Variants in EYA1 observed in about 807,000 individuals in gnomAD.
EYA1 encodes the protein protein phosphatase EYA1.
In EYA1, 16 loss-of-function variants were observed where a neutral mutation model predicts 82.0. The ratio of observed to expected loss-of-function variants is 0.20; its 90% confidence interval spans 0.13 to 0.30. The LOEUF (loss-of-function observed/expected upper bound fraction) is 0.30. Among genes scored for constraint, EYA1 ranks in the 10% least tolerant of loss-of-function variants. The pLI, the probability that EYA1 is intolerant of heterozygous loss-of-function variation, is 1.00. For missense variants in EYA1, 633 were observed against 730.7 expected (o/e 0.87, Z 1.54); for synonymous variants, 261 against 264.4 (o/e 0.99, Z 0.12).
intron 2 of EYA1, among the ~76,000 whole-genome samples, chr8:71,475,551 C>G (rs1412660958): frequency 6.6e-6 from 1 of 151,882 alleles, no homozygotes; most frequent in Non-Finnish European, 1.5e-5. Flanking sequence ...GTGAACATAC[C>G]TTTATTATAT....
chr8:71,403,689 C>T (rs1830072750), intron 2 of EYA1: 1 of 152,144 alleles, frequency 6.6e-6, no homozygotes, highest in Non-Finnish European at 1.5e-5. Context: ...GAATCAGATA[C>T]AGCCATATCT....
chr8:71,447,222 T>C (rs2129175728), intron 2 of EYA1, among the ~76,000 whole-genome samples: 1 of 152,176 alleles, frequency 6.6e-6, no homozygotes, highest in East Asian at 1.9e-4. Flanking sequence ...CTTTCTCAAC[T>C]TTTAATCAAT....
At chr8:71,482,756 C>T (rs4263799) in intron 2 of EYA1, among the ~76,000 whole-genome samples, 96,489 of 152,056 alleles carry the variant, frequency 0.63, 33,119 homozygotes, top group African/African-American at 0.89. Context: ...GGCCCAAAGT[C>T]GAGCAAACAA....
At chr8:71,334,371 A>G in intron 3 of EYA1, 197 bp from the exon 4 acceptor site, 1 of 645,514 alleles carries the variant, frequency 1.5e-6, no homozygotes, top group South Asian at 1.6e-5. Context: ...TTAGGAAACA[A>G]TCTATTGTCA....
At chr8:71,244,513 A>C in intron 12 of EYA1, 90 bp downstream of exon 12, 1 of 737,018 alleles carries the variant, frequency 1.4e-6, no homozygotes, top group East Asian at 2.8e-5. Context: ...TATTCCAATT[A>C]TACATTAAAA....
chr8:71,303,626 T>C (rs935189337), intron 7 of EYA1, among the ~76,000 whole-genome samples: 1 of 141,324 alleles, frequency 7.1e-6, no homozygotes, highest in Admixed American at 7.1e-5. Flanking sequence ...CACATAGGAC[T>C]TAGGGTCTGA....
intron 4 of EYA1, among the ~76,000 whole-genome samples, chr8:71,324,721 G>A (rs1401916774): frequency 6.6e-6 from 1 of 152,110 alleles, no homozygotes; most frequent in Admixed American, 6.5e-5. Flanking sequence ...TCCCACCAAA[G>A]CATACTGTCT....
At chr8:71,439,706 T>G (rs1806268624) in intron 2 of EYA1, among the ~76,000 whole-genome samples, 1 of 152,184 alleles carries the variant, frequency 6.6e-6, no homozygotes, top group Non-Finnish European at 1.5e-5. Flanking sequence ...TTAACTCAGT[T>G]GCAAGACTGC....
chr8:71,275,818 T>G (rs561738687), intron 9 of EYA1, among the ~76,000 whole-genome samples: 102 of 152,364 alleles, frequency 6.7e-4, no homozygotes, highest in African/African-American at 2.2e-3. Context: ...GATGACCCTC[T>G]AATGGCCAAA....
intron 2 of EYA1, among the ~76,000 whole-genome samples, chr8:71,367,317 T>C (rs1326472638): frequency 6.6e-6 from 1 of 152,126 alleles, no homozygotes; most frequent in African/African-American, 2.4e-5. Context: ...TAATAGTTAT[T>C]ATATCATAAA....
chr8:71,314,532 A>T (rs1239457587), intron 7 of EYA1, among the ~76,000 whole-genome samples: 1 of 152,186 alleles, frequency 6.6e-6, no homozygotes, highest in Non-Finnish European at 1.5e-5. Context: ...TTTTTTTCAA[A>T]TTTTGGAATA....
chr8:71,461,466 A>G (rs1472763478), intron 2 of EYA1, among the ~76,000 whole-genome samples: 2 of 152,148 alleles, frequency 1.3e-5, no homozygotes, highest in Non-Finnish European at 2.9e-5. Flanking sequence ...GGTATGTGGT[A>G]GCACCCAGAA....
At chr8:71,325,099 C>T in intron 4 of EYA1, among the ~76,000 whole-genome samples, 1 of 152,176 alleles carries the variant, frequency 6.6e-6, no homozygotes, top group East Asian at 1.9e-4. Context: ...TTCCTTGGCA[C>T]AGAATACAAA....
At position 71,391,066 on chromosome 8, in the gene EYA1, C is replaced by T. The variant is rs141633722; in HGVS notation, c.34-34555G>A. On this transcript the variant is annotated intron_variant, in intron 2 of 18. Coordinates refer to the EYA1 transcript ENST00000643681. ...TCGGCTCACTGCAACCTCCACCTTC[C>T]GGGTTCAAGCAATTCTCATGCCTCA... Among the ~76,000 whole-genome samples, 659 of 152,194 alleles carry T rather than the reference C, an allele frequency of 4.3e-3. 6 individuals are homozygous for T. Among genetic ancestry groups the T allele is most frequent in the African/African-American group, 0.015 (629 of 41,510 alleles).
chr8:71,384,266 G>T (rs1449332730), intron 2 of EYA1, among the ~76,000 whole-genome samples: 1 of 152,112 alleles, frequency 6.6e-6, no homozygotes, highest in African/African-American at 2.4e-5. Flanking sequence ...TTTTAAGAAG[G>T]TTATTTGAAG....
chr8:71,305,131 T>G lies in EYA1; in HGVS notation c.557-5411A>C, dbSNP rs977570022. ...AAGGGTCTTCACTTACAACTTTTGG[T>G]CACAGAATTATTTGTAATGTTTGGA... On this transcript the variant is annotated intron_variant, in intron 7 of 17. Transcript: ENST00000340726. 5.6e-5 allele frequency among the ~76,000 whole-genome samples: 8 copies of G among 143,172 alleles called. 1 individual carries two copies. The highest frequency in any genetic ancestry group is 1.3e-4 in the Non-Finnish European group (8 of 62,978). The allele number at this position is 143,172 out of a possible 152,430, so 93.9% of individuals were successfully genotyped here.
intron 2 of EYA1, among the ~76,000 whole-genome samples, chr8:71,457,678 G>T (rs1226813941): frequency 6.6e-6 from 1 of 151,996 alleles, no homozygotes; most frequent in African/African-American, 2.4e-5. Flanking sequence ...ACCAAACACC[G>T]CATGTTCTCA....
intron 2 of EYA1, among the ~76,000 whole-genome samples, chr8:71,447,233 C>A (rs1021476976): frequency 6.6e-6 from 1 of 151,984 alleles, no homozygotes; most frequent in African/African-American, 2.4e-5. Flanking sequence ...TTTAATCAAT[C>A]CAAATACATC....
intron 9 of EYA1, among the ~76,000 whole-genome samples, chr8:71,276,437 C>T (rs1361120378): frequency 6.6e-6 from 1 of 152,178 alleles, no homozygotes; most frequent in Non-Finnish European, 1.5e-5. Flanking sequence ...GACCTCTCTA[C>T]CCAAGTATTC....
Sources: gnomAD v4.1 joint callset for allele counts (sites outside exome capture counted in the v4.1 genomes callset) on GRCh38, gnomAD v4.1.1 for gene constraint, MANE v1.5 for transcripts, NCBI Gene and HGNC (gene_info 2026-07-23, HGNC 2026-07-21) for gene names.